Variants in RAB11FIP4 observed in about 807,000 individuals in gnomAD.
RAB11FIP4 encodes the protein rab11 family-interacting protein 4.
Under a neutral mutation model 74.3 loss-of-function variants are expected in RAB11FIP4, and 23 were observed. That is an observed-to-expected ratio of 0.31 (90% CI 0.22 to 0.44). The LOEUF is 0.44. RAB11FIP4 is among the 20% of genes least tolerant of loss of function. The probability of loss-of-function intolerance (pLI) is 1.00; values close to 1 mark genes in which losing one functional copy is unlikely to be tolerated. For synonymous variants in RAB11FIP4, 360 were observed against 359.9 expected (o/e 1.00, Z 0.00); for missense variants, 630 against 863.9 (o/e 0.73, Z 3.39).
intron 1 of RAB11FIP4, among the ~76,000 whole-genome samples, chr17:31,401,370 C>T (rs2070984374): frequency 6.6e-6 from 1 of 152,216 alleles, no homozygotes; most frequent in African/African-American, 2.4e-5. Context: ...TCCCTGCAAC[C>T]TGTCACCCCT....
At chr17:31,399,638 G>T (rs753151514) in intron 1 of RAB11FIP4, among the ~76,000 whole-genome samples, 2 of 151,884 alleles carry the variant, frequency 1.3e-5, no homozygotes, top group African/African-American at 4.8e-5. Context: ...GCTTAAACCC[G>T]GGAGGCGGAG....
At chr17:31,402,869 C>A (rs1230455146) in intron 1 of RAB11FIP4, among the ~76,000 whole-genome samples, 1 of 151,978 alleles carries the variant, frequency 6.6e-6, no homozygotes, top group Non-Finnish European at 1.5e-5. Context: ...TTGTGATCCA[C>A]CCGCCTTGGC....
chr17:31,420,936 T>A (rs1263576231), intron 1 of RAB11FIP4, among the ~76,000 whole-genome samples: 1 of 151,824 alleles, frequency 6.6e-6, no homozygotes, highest in Non-Finnish European at 1.5e-5. Context: ...AATACAAAAT[T>A]AGCCAGGCAT....
At chr17:31,497,920 A>C (rs1158891525) in intron 3 of RAB11FIP4, among the ~76,000 whole-genome samples, 3 of 152,124 alleles carry the variant, frequency 2.0e-5, no homozygotes, top group African/African-American at 7.2e-5. Flanking sequence ...GTAGTGTCAG[A>C]GATTCGAAGC....
At chr17:31,397,482 GC>G (rs901335975) in intron 1 of RAB11FIP4, among the ~76,000 whole-genome samples, 1 of 152,200 alleles carries the variant, frequency 6.6e-6, no homozygotes. Flanking sequence ...ACCTCTATGT[GC>G]CCCACCCTAA....
At chr17:31,459,939 G>A (rs1488916032) in intron 3 of RAB11FIP4, among the ~76,000 whole-genome samples, 3 of 152,202 alleles carry the variant, frequency 2.0e-5, no homozygotes, top group Admixed American at 6.5e-5. Flanking sequence ...GAAGTACACA[G>A]AGTGCTCTGG....
rs1010974535 is a variant in RAB11FIP4, at chr17:31,512,861, C to T, written c.337-4790C>T. 4.6e-5 allele frequency among the ~76,000 whole-genome samples: 7 copies of T among 152,008 alleles called. No individual in the cohort carries two copies. The highest frequency in any genetic ancestry group is 2.0e-4 in the Admixed American group (3 of 15,262). On this transcript the variant is annotated intron_variant, in intron 3 of 14. Coordinates refer to ENST00000621161, the MANE Select transcript of RAB11FIP4 (RefSeq NM_032932.6). This position sits in a 1 kb window ranked among gnomAD's most constrained non-coding sequence, Gnocchi z 4.1. ...GTGGACTCCTTTTTCACACAGCAGG[C>T]GGGAATGGGCAGGAAACCGGGGCTC... is the stretch of plus-strand genomic sequence containing the variant.
intron 3 of RAB11FIP4, among the ~76,000 whole-genome samples, chr17:31,496,554 G>T (rs142147359): frequency 6.6e-6 from 1 of 152,256 alleles, no homozygotes; most frequent in Non-Finnish European, 1.5e-5. Flanking sequence ...CTCCCCCTTT[G>T]CCTGAGTTTT....
At chr17:31,402,390 A>ATGG (rs1396063363) in intron 1 of RAB11FIP4, among the ~76,000 whole-genome samples, 1 of 152,144 alleles carries the variant, frequency 6.6e-6, no homozygotes, top group Non-Finnish European at 1.5e-5. Flanking sequence ...CAGGGACCAG[A>ATGG]TGGTGACTTT....
intron 3 of RAB11FIP4, among the ~76,000 whole-genome samples, chr17:31,505,460 TAAC>T (rs2072303684): frequency 3.6e-5 from 3 of 83,642 alleles, no homozygotes; most frequent in Admixed American, 2.0e-4. Context: ...ATAATTATTA[TAAC>T]ATATAATAAT....
At chr17:31,505,645 A>ATAATACATAAT (rs1567681563) in intron 3 of RAB11FIP4, among the ~76,000 whole-genome samples, 5 of 94,774 alleles carry the variant, frequency 5.3e-5, no homozygotes, top group Admixed American at 3.3e-4. Flanking sequence ...TAATAATTAT[A>ATAATACATAAT]TATAATATAT....
chr17:31,505,831 G>A (rs1396896806), intron 3 of RAB11FIP4, among the ~76,000 whole-genome samples: 2 of 145,446 alleles, frequency 1.4e-5, no homozygotes, highest in African/African-American at 5.2e-5. Context: ...TCAGCCTCCC[G>A]AGTAGCTGAG....
intron 1 of RAB11FIP4, among the ~76,000 whole-genome samples, chr17:31,431,127 TA>T (rs1048163823): frequency 2.0e-4 from 30 of 152,076 alleles, no homozygotes; most frequent in South Asian, 4.1e-4. Context: ...GCCCAGCTAT[TA>T]GGGGTGGTGA....
In RAB11FIP4 at chr17:31,451,612, G is replaced by A. The variant is rs758984521; in HGVS notation, c.336+17490G>A. Among the ~76,000 whole-genome samples, 61 of 151,982 alleles carry A rather than the reference G, an allele frequency of 4.0e-4. 1 individual carries two copies. Among genetic ancestry groups the A allele is most frequent in the Non-Finnish European group, 6.8e-4 (46 of 67,984 alleles). On this transcript the variant is annotated intron_variant, in intron 3 of 14. Transcript: ENST00000621161. ...TTGACCTTGCCCCTCCCAGATTCCCGGTGACTCTCACTGTTCAGCCACCCT... is the reference window on the plus strand; with the variant it reads ...TTGACCTTGCCCCTCCCAGATTCCCAGTGACTCTCACTGTTCAGCCACCCT...
intron 3 of RAB11FIP4, among the ~76,000 whole-genome samples, chr17:31,468,772 G>T (rs1367374231): frequency 6.6e-6 from 1 of 152,016 alleles, no homozygotes; most frequent in Non-Finnish European, 1.5e-5. Flanking sequence ...GGAGGTTGCA[G>T]TGAGCCAAGA....
chr17:31,433,148 G>A, intron 2 of RAB11FIP4, among the ~76,000 whole-genome samples: 1 of 152,066 alleles, frequency 6.6e-6, no homozygotes, highest in East Asian at 1.9e-4. Context: ...CCTGTCTCAA[G>A]AAAGAAAAAA....
intron 1 of RAB11FIP4, among the ~76,000 whole-genome samples, chr17:31,408,303 A>G (rs1295331946): frequency 1.3e-5 from 2 of 152,210 alleles, no homozygotes; most frequent in African/African-American, 4.8e-5. Flanking sequence ...CGGGTATTGC[A>G]TTCAGTCTAT....
At chr17:31,402,826 C>A (rs376653179) in intron 1 of RAB11FIP4, among the ~76,000 whole-genome samples, 2 of 151,594 alleles carry the variant, frequency 1.3e-5, no homozygotes, top group South Asian at 2.1e-4. Flanking sequence ...GGGGTTTCAC[C>A]GTGTTAGCCA....
chr17:31,461,871 C>G (rs1197167771), intron 3 of RAB11FIP4, among the ~76,000 whole-genome samples: 1 of 152,200 alleles, frequency 6.6e-6, no homozygotes, highest in Non-Finnish European at 1.5e-5. Flanking sequence ...TTAACACCCT[C>G]GGAGATTCAT....
Sources: gnomAD v4.1 joint callset for allele counts (sites outside exome capture counted in the v4.1 genomes callset) on GRCh38, gnomAD v4.1.1 for gene constraint, Gnocchi (gnomAD v3.1) non-coding constraint, MANE v1.5 for transcripts, NCBI Gene and HGNC (gene_info 2026-07-23, HGNC 2026-07-21) for gene names.